ADGRB3: variants seen among roughly 807,000 people sequenced by gnomAD.
ADGRB3 encodes adhesion G protein-coupled receptor B3, also known as brain-specific angiogenesis inhibitor 3.
A neutral mutation model predicts 193.4 loss-of-function variants in ADGRB3; 37 were observed. The ratio of observed to expected loss-of-function variants is 0.19; its 90% CI spans 0.15 to 0.25. ADGRB3 has a LOEUF of 0.25. Ranked by LOEUF, ADGRB3 falls within the 10% of genes least tolerant of loss-of-function variation. The pLI is 1.00. For synonymous variants in ADGRB3, 690 were observed against 644.2 expected, an observed-to-expected ratio of 1.07 and a Z score of -1.08; for missense variants, 1,637 against 1,852.9, an observed-to-expected ratio of 0.88 and a Z score of 2.14.
chr6:69,186,055 C>T (rs1765060080), intron 17 of ADGRB3, among the ~76,000 whole-genome samples: 1 of 151,676 alleles, frequency 6.6e-6, no homozygotes, highest in African/African-American at 2.4e-5. Flanking sequence ...AACCAATTAG[C>T]TTTGCTGGAG....
chr6:69,146,821 C>CTTTTTTTTTTTTTTTTTTTTTTTTT (rs756561473), intron 17 of ADGRB3, among the ~76,000 whole-genome samples: 1 of 103,246 alleles, frequency 9.7e-6, no homozygotes, highest in Non-Finnish European at 1.8e-5. Flanking sequence ...CTCATTACTT[C>CTTTTTTTTTTTTTTTTTTTTTTTTT]TTTTTTTTTT....
At chr6:69,188,203 T>G (rs1282813911) in intron 17 of ADGRB3, among the ~76,000 whole-genome samples, 1 of 152,172 alleles carries the variant, frequency 6.6e-6, no homozygotes, top group East Asian at 1.9e-4. Flanking sequence ...TTTGTTTGTT[T>G]TTTGCTTTTA....
chr6:68,695,824 A>C (rs905665214), intron 3 of ADGRB3, among the ~76,000 whole-genome samples: 1 of 151,816 alleles, frequency 6.6e-6, no homozygotes, highest in African/African-American at 2.4e-5. Flanking sequence ...CAAATAGACA[A>C]TCTCGGTGTC....
At chr6:69,187,134 T>A (rs780468719) in intron 17 of ADGRB3, among the ~76,000 whole-genome samples, 2 of 152,102 alleles carry the variant, frequency 1.3e-5, no homozygotes, top group African/African-American at 4.8e-5. Flanking sequence ...CTATTTATAT[T>A]GCTTCATGTT....
chr6:68,638,849 G>T lies in ADGRB3; in HGVS notation c.174G>T (p.Thr58=), dbSNP rs1318446610. 1.2e-6 allele frequency: 2 copies of T among 1,614,022 alleles called. No homozygotes were observed. The highest frequency in any genetic ancestry group is 4.5e-5 in the East Asian group (2 of 44,860). Residue 58 remains threonine (T), a synonymous_variant, in exon 3 of 32, where the codon ACG becomes ACT. Coordinates refer to ENST00000370598, the MANE Select transcript of ADGRB3 (RefSeq NM_001704.3). ...AAAACTTTACAAACTGCACTTGGAC[G>T]CTGGAAAATCCAGATCCAACCAAAT... ...FPKNFTNCTW[T]LENPDPTKYS...
At chr6:69,072,598 T>G (rs1396602993) in intron 16 of ADGRB3, among the ~76,000 whole-genome samples, 1 of 152,174 alleles carries the variant, frequency 6.6e-6, no homozygotes, top group East Asian at 1.9e-4. Flanking sequence ...GTCCGTATCT[T>G]ATATTAGTTT....
In ADGRB3 at chr6:69,339,400, G is replaced by T. The variant is rs762331542; in HGVS notation, c.3355G>T (p.Ala1119Ser). ...LALTWMSAVL[A>S]MTDKRSILFQ... ...TTTGACGTGGATGTCTGCGGTTCTGGCCATGACAGATAAACGCTCCATATT... is the reference window on the plus strand; with the variant it reads ...TTTGACGTGGATGTCTGCGGTTCTGTCCATGACAGATAAACGCTCCATATT... Residue 1119 changes from alanine (A) to serine (S), a missense_variant, in exon 26 of 32, where the codon GCC becomes TCC. By Grantham distance (99) the Ala-to-Ser change is moderately conservative. Transcript: ENST00000370598. 2 of 1,613,980 alleles carry T rather than the reference G, an allele frequency of 1.2e-6. No individual in the cohort carries two copies. Among genetic ancestry groups the T allele is most frequent in the South Asian group, 2.2e-5 (2 of 91,076 alleles).
Position 69,137,074 on chromosome 6 carries a change from TTTA to T in ADGRB3, c.2480+61037_2480+61039del, listed in dbSNP as rs750485095. 5.7e-3 allele frequency among the ~76,000 whole-genome samples: 472 copies of T among 83,498 alleles called. 5 individuals are homozygous for T. Among genetic ancestry groups the T allele is most frequent in the East Asian group, 0.029 (41 of 1,396 alleles). The allele number at this position is 83,498 out of a possible 152,430, so 54.8% of individuals were successfully genotyped here. A position where few individuals can be genotyped will look rare whatever the true frequency, so the allele number is the denominator to read the frequency against. ...TTTCTTTCTTTTTTTTTTTTTTTTTTTTAATGGTAAGATCTTTTTGAGCCTCAA... is the reference window on the plus strand; with the variant it reads ...TTTCTTTCTTTTTTTTTTTTTTTTTTATGGTAAGATCTTTTTGAGCCTCAA... On this transcript the variant is annotated intron_variant, in intron 17 of 31. Transcript: ENST00000370598.
intron 3 of ADGRB3, among the ~76,000 whole-genome samples, chr6:68,768,259 C>T: frequency 6.6e-6 from 1 of 152,132 alleles, no homozygotes; most frequent in Admixed American, 6.6e-5. Flanking sequence ...AAGAACAAAT[C>T]TGGAGGCATC....
chr6:68,823,047 C>T (rs528262658), intron 3 of ADGRB3, among the ~76,000 whole-genome samples: 51 of 151,900 alleles, frequency 3.4e-4, no homozygotes, highest in Non-Finnish European at 6.8e-4. Context: ...CAGAAGACAT[C>T]TACACAGGAA....
At chr6:69,070,842 C>T (rs1252235937) in intron 16 of ADGRB3, among the ~76,000 whole-genome samples, 1 of 152,122 alleles carries the variant, frequency 6.6e-6, no homozygotes, top group East Asian at 1.9e-4. Context: ...ATTTAAAACA[C>T]CAAGGAAAGT....
chr6:69,005,685 G>C (rs60671712), intron 11 of ADGRB3, among the ~76,000 whole-genome samples: 19,635 of 152,078 alleles, frequency 0.13, 1,359 homozygotes, highest in Middle Eastern at 0.26. Context: ...GGTTGCAGTG[G>C]GAAAGCAAGG....
chr6:69,339,984 T>C (rs1163335852), intron 26 of ADGRB3, among the ~76,000 whole-genome samples: 3 of 152,202 alleles, frequency 2.0e-5, no homozygotes, highest in African/African-American at 7.2e-5. Context: ...AGATGAATGC[T>C]TAGATCTTTT....
At chr6:68,731,254 C>T (rs1314540664) in intron 3 of ADGRB3, among the ~76,000 whole-genome samples, 1 of 151,400 alleles carries the variant, frequency 6.6e-6, no homozygotes, top group African/African-American at 2.4e-5. Context: ...TCTTAATCCT[C>T]GTGTTACGGA....
At chr6:69,357,576 T>C (rs1185744168) in intron 28 of ADGRB3, among the ~76,000 whole-genome samples, 1 of 151,964 alleles carries the variant, frequency 6.6e-6, no homozygotes, top group Non-Finnish European at 1.5e-5. Context: ...AGACCTCCTC[T>C]ACATGGAGCT....
At chr6:68,822,719 A>G (rs189269975) in intron 3 of ADGRB3, among the ~76,000 whole-genome samples, 3 of 152,118 alleles carry the variant, frequency 2.0e-5, no homozygotes, top group African/African-American at 4.8e-5. Flanking sequence ...GCCTTTTACT[A>G]TAGCTTCAGA....
rs573851482 is a variant in ADGRB3 at position 68,966,715 on chromosome 6, T to C, written c.1526-8048T>C. ...CTGTGTACTGTAATTCCTCAAATTA[T>C]CATCTTTATGACCATTTTAGGAGTC... On this transcript the variant is annotated intron_variant, in intron 8 of 31. Transcript: ENST00000370598. Among the ~76,000 whole-genome samples, 9 of 152,316 alleles carry C rather than the reference T, an allele frequency of 5.9e-5. No homozygotes were observed. In the South Asian group the frequency reaches 1.9e-3, roughly 32 times the overall value.
chr6:69,372,316 T>G (rs1562002353), intron 29 of ADGRB3, 90 bp from the exon 30 acceptor site: 6 of 697,374 alleles, frequency 8.6e-6, no homozygotes, highest in Non-Finnish European at 1.3e-5. Flanking sequence ...AGGATTATCT[T>G]TAATGAAAAT....
intron 17 of ADGRB3, among the ~76,000 whole-genome samples, chr6:69,174,861 A>T (rs1775380844): frequency 6.6e-6 from 1 of 152,138 alleles, no homozygotes; most frequent in Admixed American, 6.5e-5. Flanking sequence ...TTCATAAGTG[A>T]TGTGGAGAAT....
Sources: allele counts gnomAD v4.1 joint callset (sites outside exome capture counted in the v4.1 genomes callset), GRCh38; gene constraint gnomAD v4.1.1; transcripts MANE v1.5; gene names NCBI Gene and HGNC (gene_info 2026-07-23, HGNC 2026-07-21).